The following ADGRA3 variants were observed in gnomAD, a reference collection of about 807,000 sequenced individuals.
The protein encoded by ADGRA3 is adhesion G protein-coupled receptor A3.
Under a neutral mutation model 119.8 loss-of-function variants are expected in ADGRA3, and 56 were observed. The ratio of observed to expected loss-of-function variants is 0.47; its 90% CI spans 0.38 to 0.58. The LOEUF (loss-of-function observed/expected upper bound fraction) is 0.58. Among genes scored for constraint, ADGRA3 ranks in the 20% least tolerant of loss-of-function variants. The pLI, the probability that ADGRA3 is intolerant of heterozygous loss-of-function variation, is 0.00. For synonymous variants in ADGRA3, 607 were observed against 623.8 expected (o/e 0.97, Z 0.40); for missense variants, 1,516 against 1,649.0 (o/e 0.92, Z 1.40).
chr4:22,505,415 G>A (rs933560007), intron 1 of ADGRA3, among the ~76,000 whole-genome samples: 8 of 152,078 alleles, frequency 5.3e-5, no homozygotes, highest in Admixed American at 3.3e-4. Context: ...CCAGTGCTTT[G>A]GGCAGCTGAG....
chr4:22,471,105 G>A (rs777933845), intron 2 of ADGRA3, among the ~76,000 whole-genome samples: 12 of 152,188 alleles, frequency 7.9e-5, no homozygotes, highest in Non-Finnish European at 1.2e-4. Context: ...AAGGAATAAA[G>A]TCTGCTCCTC....
At chr4:22,475,448 T>A (rs1466515485) in intron 1 of ADGRA3, among the ~76,000 whole-genome samples, 1 of 152,094 alleles carries the variant, frequency 6.6e-6, no homozygotes, top group African/African-American at 2.4e-5. Flanking sequence ...AATGACACAA[T>A]GAGGCCGGGG....
At position 22,388,824 on chromosome 4, in the gene ADGRA3, T is replaced by C; in HGVS notation, c.2847A>G (p.Lys949=). 6.2e-7 allele frequency: 1 copy of C among 1,614,120 alleles called. No homozygotes were observed. The highest frequency in any genetic ancestry group is 8.5e-7 in the Non-Finnish European group (1 of 1,180,008). The change falls in exon 19 of 19, where the codon AAA becomes AAG. Residue 949 remains lysine, a synonymous_variant. Coordinates refer to ENST00000334304, the MANE Select transcript of ADGRA3 (RefSeq NM_145290.4). ...FIQLKRHPER[K]YELKEPTEEQ... ...CCTCCGTGGGCTCCTTAAGCTCATA[T>C]TTGCGCTCAGGGTGTCTTTTCAACT...
chr4:22,390,753 G>T (rs754897639), intron 17 of ADGRA3, among the ~76,000 whole-genome samples: 12 of 152,066 alleles, frequency 7.9e-5, no homozygotes, highest in Non-Finnish European at 1.5e-4. Flanking sequence ...CTAATGCAAA[G>T]AGGATACTTG....
intron 1 of ADGRA3, among the ~76,000 whole-genome samples, chr4:22,475,523 C>G (rs78648974): frequency 4.6e-5 from 7 of 152,026 alleles, no homozygotes; most frequent in East Asian, 1.9e-4. Context: ...GTCAGGAGAT[C>G]GAGACCATCC....
intron 1 of ADGRA3, among the ~76,000 whole-genome samples, chr4:22,497,154 A>G (rs1718858393): frequency 6.6e-6 from 1 of 152,198 alleles, no homozygotes; most frequent in South Asian, 2.1e-4. Flanking sequence ...CAGCCAGAAC[A>G]CTGGTGTCAA....
At chr4:22,482,578 T>C (rs10155291) in intron 1 of ADGRA3, among the ~76,000 whole-genome samples, 1,813 of 151,794 alleles carry the variant, frequency 0.012, 45 homozygotes, top group African/African-American at 0.041. Context: ...GTGGAGAGGA[T>C]TGCTCAAGCC....
chr4:22,448,748 T>C (rs1716916842), intron 4 of ADGRA3, among the ~76,000 whole-genome samples: 1 of 152,132 alleles, frequency 6.6e-6, no homozygotes, highest in Admixed American at 6.5e-5. Context: ...CAACACTGGA[T>C]TGGTTTTTAT....
At chr4:22,514,094 G>A (rs1560356216) in intron 1 of ADGRA3, among the ~76,000 whole-genome samples, 2 of 152,078 alleles carry the variant, frequency 1.3e-5, no homozygotes, top group Non-Finnish European at 2.9e-5. Flanking sequence ...ATGAGTCAAC[G>A]TAAATGTCAC....
rs566890294 is a variant in ADGRA3 at position 22,427,296 on chromosome 4, T to C, written c.1444-2944A>G. 4.6e-5 allele frequency among the ~76,000 whole-genome samples: 7 copies of C among 152,324 alleles called. No homozygotes were observed. The East Asian group carries it at 1.2e-3, about 25-fold the overall frequency. ...AGTTACAACTAAACTTATTGTTTAATACTTCTCTGAAGTTTTAAATGTAGG... is the reference window on the plus strand; with the variant it reads ...AGTTACAACTAAACTTATTGTTTAACACTTCTCTGAAGTTTTAAATGTAGG... On this transcript the variant is annotated intron_variant, in intron 10 of 18. Coordinates refer to ENST00000334304, the MANE Select transcript of ADGRA3 (RefSeq NM_145290.4).
At chr4:22,418,544 C>A (rs1560306556) in intron 12 of ADGRA3, among the ~76,000 whole-genome samples, 1 of 151,904 alleles carries the variant, frequency 6.6e-6, no homozygotes, top group African/African-American at 2.4e-5. Context: ...GGGAGAGGAA[C>A]CAAGGAAAGT....
intron 5 of ADGRA3, among the ~76,000 whole-genome samples, chr4:22,445,729 G>A (rs545165876): frequency 2.0e-5 from 3 of 152,280 alleles, no homozygotes; most frequent in South Asian, 4.1e-4. Flanking sequence ...ATTTACAAAT[G>A]TAAGAGATAA....
At position 22,511,895 on chromosome 4, in the gene ADGRA3, C is replaced by CTT. The variant is rs5856700; in HGVS notation, c.257+3631_257+3632dup. The stretch of plus-strand genomic sequence containing the variant: ...TTCACAGTTATATTTTTCTTTCTTT[C>CTT]TTTTTTTTTTTTTTTTTTTGAGACA... On this transcript the variant is annotated intron_variant, in intron 1 of 18. Transcript: ENST00000334304. 9.6e-4 allele frequency among the ~76,000 whole-genome samples: 98 copies of CTT among 102,614 alleles called. 7 individuals are homozygous for CTT. Among genetic ancestry groups the CTT allele is most frequent in the African/African-American group, 2.8e-3 (71 of 25,022 alleles). 67.3% of individuals were successfully genotyped at this position (102,614 alleles called of 152,430 possible). A position where few individuals can be genotyped will look rare whatever the true frequency, so the allele number is the denominator to read the frequency against.
intron 14 of ADGRA3, among the ~76,000 whole-genome samples, chr4:22,407,213 G>A (rs932133094): frequency 1.3e-5 from 2 of 152,212 alleles, no homozygotes; most frequent in African/African-American, 2.4e-5. Flanking sequence ...GGAGCTTGCA[G>A]TGAGCCGAGA....
intron 15 of ADGRA3, 51 bp downstream of exon 15, chr4:22,402,624 G>T (rs371426209): frequency 1.0e-5 from 16 of 1,571,584 alleles, no homozygotes; most frequent in Admixed American, 3.7e-5. Context: ...GTGAAATAAA[G>T]TCCTTCAAAT....
intron 3 of ADGRA3, among the ~76,000 whole-genome samples, chr4:22,460,088 T>C (rs533490587): frequency 6.4e-4 from 98 of 152,308 alleles, no homozygotes; most frequent in Non-Finnish European, 1.1e-3. Flanking sequence ...GCCTTTTTAA[T>C]ACATATTCAT....
chr4:22,458,498 C>T (rs1412293070), intron 3 of ADGRA3, among the ~76,000 whole-genome samples: 1 of 152,122 alleles, frequency 6.6e-6, no homozygotes, highest in East Asian at 1.9e-4. Flanking sequence ...GTTCGTAATT[C>T]CATTAGACTG....
Position 22,391,601 on chromosome 4 carries a change from T to TG in ADGRA3, c.2627+943_2627+944insC, listed in dbSNP as rs199875249. 7.8e-3 allele frequency among the ~76,000 whole-genome samples: 1,195 copies of TG among 152,258 alleles called. 14 individuals carry two copies. The highest frequency in any genetic ancestry group is 0.027 in the African/African-American group (1,137 of 41,540). On this transcript the variant is annotated intron_variant, in intron 17 of 18. Transcript: ENST00000334304. ...CCTTGTTCTTAGGAATTCTGATTTA[T>TG]ACTCCATACTAGAGCCATAGCTATC...
intron 16 of ADGRA3, chr4:22,393,286 A>G (rs1212765468): frequency 1.3e-5 from 2 of 152,208 alleles, no homozygotes; most frequent in Non-Finnish European, 1.5e-5. Context: ...CTCAGCCTCC[A>G]AAAGTGCTGG....
Sources: gnomAD v4.1 joint callset for allele counts (sites outside exome capture counted in the v4.1 genomes callset) on GRCh38, gnomAD v4.1.1 for gene constraint, MANE v1.5 for transcripts, NCBI Gene and HGNC (gene_info 2026-07-23, HGNC 2026-07-21) for gene names.